Variants in SVEP1 observed in about 807,000 individuals in gnomAD.
SVEP1 encodes the protein sushi, von Willebrand factor type A, EGF and pentraxin domain containing 1.
Under a neutral mutation model 367.3 loss-of-function variants are expected in SVEP1, and 164 were observed. The observed-to-expected ratio is 0.45, with a 90% CI of 0.39 to 0.51. SVEP1 has a LOEUF of 0.51. SVEP1 is among the 20% of genes least tolerant of loss of function. The probability of loss-of-function intolerance (pLI) is 0.00; values close to 1 mark genes in which losing one functional copy is unlikely to be tolerated. For missense variants in SVEP1, 4,117 were observed against 4,425.3 expected, an observed-to-expected ratio of 0.93 and a Z score of 1.98; for synonymous variants, 1,666 against 1,611.6, an observed-to-expected ratio of 1.03 and a Z score of -0.81.
intron 1 of SVEP1, among the ~76,000 whole-genome samples, chr9:110,552,962 C>T (rs554974969): frequency 4.9e-4 from 75 of 152,276 alleles, no homozygotes; most frequent in Middle Eastern, 6.8e-3. Flanking sequence ...GTAGATGACA[C>T]CACAGACCTT....
chr9:110,493,418 C>T (rs1829400081), intron 8 of SVEP1, among the ~76,000 whole-genome samples: 1 of 151,976 alleles, frequency 6.6e-6, no homozygotes, highest in Non-Finnish European at 1.5e-5. Flanking sequence ...ATAGCAAATT[C>T]CTAAAAATGT....
At chr9:110,457,373 T>C (rs1588062853) in intron 20 of SVEP1, 21 bp from the exon 21 acceptor site, 2 of 1,565,956 alleles carry the variant, frequency 1.3e-6, no homozygotes, top group Non-Finnish European at 1.8e-6. Flanking sequence ...CATAAAAAAA[T>C]CAATCAGAGA....
chr9:110,556,459 T>A (rs1830359069), intron 1 of SVEP1, among the ~76,000 whole-genome samples: 1 of 152,200 alleles, frequency 6.6e-6, no homozygotes, highest in African/African-American at 2.4e-5. Context: ...CTGAAAATAC[T>A]AACTAGAGAC....
intron 26 of SVEP1, 138 bp from the exon 27 acceptor site, chr9:110,443,858 T>TTC: frequency 1.5e-6 from 1 of 661,106 alleles, no homozygotes; most frequent in Non-Finnish European, 2.2e-6. Context: ...TCTTTTTTTT[T>TTC]CTCCATTTGG....
At chr9:110,577,659 G>T (rs2118896066) in intron 1 of SVEP1, among the ~76,000 whole-genome samples, 1 of 152,016 alleles carries the variant, frequency 6.6e-6, no homozygotes, top group East Asian at 1.9e-4. Context: ...AAAAATAAAA[G>T]GCAGTGAACT....
In SVEP1 at chr9:110,489,731, T is replaced by C. The variant is rs74597491; in HGVS notation, c.1849A>G (p.Ile617Val). Residue 617 changes from isoleucine (I) to valine (V), a missense_variant, in exon 9 of 48, where the codon ATT (isoleucine) becomes GTT (valine). By Grantham distance (29) the Ile-to-Val change is conservative. This residue lies in a region of SVEP1 where 2,174 missense variants were observed against 2,494.3 expected (regional missense o/e 0.87). Coordinates refer to ENST00000374469, the MANE Select transcript of SVEP1 (RefSeq NM_153366.4). ...PAFTPPYLFP[I>V]GDVAIVYTAT... ...GTGTATACGATAGCAACATCTCCAA[T>C]TGGGAAAAGGTAAGGTGGGGTGAAA... is the stretch of plus-strand genomic sequence containing the variant. 0.022 allele frequency: 35,130 copies of C among 1,613,400 alleles called. 443 individuals carry two copies. The highest frequency in any genetic ancestry group is 0.056 in the Middle Eastern group (341 of 6,060).
intron 39 of SVEP1, 48 bp from the exon 40 acceptor site, chr9:110,401,057 T>C (rs1449930710): frequency 6.3e-7 from 1 of 1,591,584 alleles, no homozygotes; most frequent in African/African-American, 1.4e-5. Context: ...AGTTAATACA[T>C]ATGAATGAAG....
At chr9:110,508,779 A>G (rs1349837600) in intron 5 of SVEP1, among the ~76,000 whole-genome samples, 2 of 150,872 alleles carry the variant, frequency 1.3e-5, no homozygotes, top group African/African-American at 2.4e-5. Context: ...AAAAAAAAAA[A>G]AAAAGAAAGA....
At position 110,406,685 on chromosome 9, in the gene SVEP1, T is replaced by G. The variant is rs773287074; in HGVS notation, c.8915A>C (p.Gln2972Pro). 2 of 1,614,036 alleles carry G rather than the reference T, an allele frequency of 1.2e-6. No individual in the cohort carries two copies. Among genetic ancestry groups the G allele is most frequent in the Non-Finnish European group, 8.5e-7 (1 of 1,179,902 alleles). Residue 2972 changes from glutamine (Q) to proline (P), a missense_variant, in exon 38 of 48, where the codon CAG becomes CCG. Around this residue, in one of 4 missense-constraint regions of SVEP1, gnomAD observed 1,765 missense variants for 1,781.1 expected, o/e 0.99. Coordinates refer to ENST00000374469, the MANE Select transcript of SVEP1 (RefSeq NM_153366.4). ...CTTATAACCAGGAAAGCACTGATAC[T>G]GTATATGGCCCCCATGAATAAAGGA... is the stretch of plus-strand genomic sequence containing the variant. Reference protein sequence around the residue: ...GFSFIHGGHIQYQCFPGYKLH... With the variant: ...GFSFIHGGHIPYQCFPGYKLH...
intron 46 of SVEP1, among the ~76,000 whole-genome samples, chr9:110,370,817 A>C (rs113793923): frequency 0.015 from 2,345 of 152,348 alleles, 66 homozygotes; most frequent in African/African-American, 0.053. Flanking sequence ...GTAGGAAGGA[A>C]ATAAAATGTC....
chr9:110,514,384 G>C (rs759038475), intron 3 of SVEP1, among the ~76,000 whole-genome samples: 1 of 151,812 alleles, frequency 6.6e-6, no homozygotes, highest in African/African-American at 2.4e-5. Context: ...GTGGTGGCGT[G>C]TGCCTGTAAT....
chr9:110,379,204 A>G, intron 44 of SVEP1, 143 bp downstream of exon 44: 1 of 938,290 alleles, frequency 1.1e-6, no homozygotes, highest in Admixed American at 3.1e-5. Context: ...ATAACATTAA[A>G]AGAAAATTAC....
intron 3 of SVEP1, among the ~76,000 whole-genome samples, chr9:110,531,352 A>T (rs376062714): frequency 4.6e-5 from 7 of 152,278 alleles, no homozygotes; most frequent in African/African-American, 1.7e-4. Context: ...CCCAAATCTC[A>T]TCTTGAACTG....
At chr9:110,513,449 A>C (rs1829754485) in intron 4 of SVEP1, among the ~76,000 whole-genome samples, 1 of 152,224 alleles carries the variant, frequency 6.6e-6, no homozygotes, top group Admixed American at 6.5e-5. Flanking sequence ...AATAAAACAA[A>C]GAACAAATAA....
At position 110,520,319 on chromosome 9, in the gene SVEP1, A is replaced by G. The variant is rs115939140; in HGVS notation, c.965-6213T>C. 9.0e-4 allele frequency among the ~76,000 whole-genome samples: 137 copies of G among 152,308 alleles called. 1 individual carries two copies. The highest frequency in any genetic ancestry group is 3.1e-3 in the African/African-American group (127 of 41,580). On this transcript the variant is annotated intron_variant, in intron 3 of 47. Transcript: ENST00000374469. Reference sequence around the variant, plus strand: ...ACCAAGCAAAAGTTGAAAAAAATGAAATAAATCTTTGGTTTGAACAAGTTT... The same window carrying G: ...ACCAAGCAAAAGTTGAAAAAAATGAGATAAATCTTTGGTTTGAACAAGTTT...
At chr9:110,382,676 T>C (rs965016919) in intron 43 of SVEP1, among the ~76,000 whole-genome samples, 7 of 152,192 alleles carry the variant, frequency 4.6e-5, no homozygotes, top group Non-Finnish European at 7.4e-5. Flanking sequence ...AAGGTGGTTC[T>C]ATACTCATCT....
chr9:110,479,134 G>A (rs1425132792), intron 13 of SVEP1, among the ~76,000 whole-genome samples: 1 of 151,974 alleles, frequency 6.6e-6, no homozygotes, highest in African/African-American at 2.4e-5. Context: ...TGGCCAGGCT[G>A]GTCTCGAACT....
intron 17 of SVEP1, among the ~76,000 whole-genome samples, chr9:110,467,698 C>T (rs1036138188): frequency 2.7e-5 from 4 of 148,078 alleles, no homozygotes; most frequent in Non-Finnish European, 3.0e-5. Context: ...TGCAGTGGTG[C>T]GGTCATAGCT....
chr9:110,572,313 T>A (rs907343600), intron 1 of SVEP1, among the ~76,000 whole-genome samples: 1 of 152,218 alleles, frequency 6.6e-6, no homozygotes, highest in Admixed American at 6.5e-5. Context: ...GACAAAGCAG[T>A]TGGCTCTCTC....
Sources: allele counts gnomAD v4.1 joint callset (sites outside exome capture counted in the v4.1 genomes callset), GRCh38; gene constraint gnomAD v4.1.1; regional missense constraint gnomAD v4.1.1; transcripts MANE v1.5; gene names NCBI Gene and HGNC (gene_info 2026-07-23, HGNC 2026-07-21).